TMEM63A: variants seen among roughly 807,000 people sequenced by gnomAD.
TMEM63A encodes mechanosensitive cation channel TMEM63A.
A neutral mutation model predicts 100.6 loss-of-function variants in TMEM63A; 76 were observed. The ratio of observed to expected loss-of-function variants is 0.76; its 90% CI spans 0.63 to 0.91. The LOEUF is 0.91. Among genes scored for constraint, TMEM63A ranks in the 40% least tolerant of loss-of-function variants. The probability of loss-of-function intolerance (pLI) is 0.00; values close to 1 mark genes in which losing one functional copy is unlikely to be tolerated. For missense variants in TMEM63A, 876 were observed against 1,008.8 expected, an observed-to-expected ratio of 0.87 and a Z score of 1.78; for synonymous variants, 401 against 401.1, an observed-to-expected ratio of 1.00 and a Z score of 0.00.
At position 225,856,641 on chromosome 1, in the gene TMEM63A, G is replaced by T; in HGVS notation, c.1571+11C>A. The T allele has an allele frequency of 1.2e-6, 2 of 1,613,048 alleles. No homozygotes were observed. Among genetic ancestry groups the T allele is most frequent in the Non-Finnish European group, 1.7e-6 (2 of 1,179,410 alleles). The stretch of plus-strand genomic sequence containing the variant: ...TATTCTGAATTTAGAGCAGAAGGTG[G>T]TGGCATATACCTGGTGAGACCCAGG... On this transcript the variant is annotated intron_variant, in intron 17 of 24. Coordinates refer to ENST00000366835, the MANE Select transcript of TMEM63A (RefSeq NM_014698.3).
At chr1:225,844,755 G>A, downstream of TMEM63A, 1 of 1,414,404 alleles carries the variant, frequency 7.1e-7, no homozygotes, top group Non-Finnish European at 9.6e-7. Flanking sequence ...AGGGGCCCTT[G>A]GATGGGAACA....
chr1:225,848,168 C>T (rs1308660179), intron 23 of TMEM63A: 1 of 346,346 alleles, frequency 2.9e-6, no homozygotes, highest in African/African-American at 2.1e-5. Context: ...TTGTCAAACC[C>T]TAGCGCCTTA....
downstream of TMEM63A, chr1:225,845,157 A>G (rs757896290): frequency 2.5e-6 from 4 of 1,613,876 alleles, no homozygotes; most frequent in East Asian, 2.2e-5. Context: ...ATGAAGGTCT[A>G]TGTGCCCACT....
intron 6 of TMEM63A, 110 bp from the exon 7 acceptor site, chr1:225,868,140 A>G (rs1002220694): frequency 5.8e-6 from 8 of 1,380,446 alleles, no homozygotes; most frequent in Admixed American, 2.3e-5. Flanking sequence ...TTCGATCGCT[A>G]TCCCCACATT....
Position 225,848,996 on chromosome 1 carries a change from G to A in TMEM63A, c.2088C>T (p.Ala696=), listed in dbSNP as rs1382999853. 2.5e-6 allele frequency: 4 copies of A among 1,589,202 alleles called. No individual in the cohort carries two copies. Among genetic ancestry groups the A allele is most frequent in the South Asian group, 2.3e-5 (2 of 86,898 alleles). Residue 696 remains alanine (A), a synonymous_variant, in exon 22 of 25, where the codon GCC becomes GCT. Coordinates refer to ENST00000366835, the MANE Select transcript of TMEM63A (RefSeq NM_014698.3). ...SFLRLGMKAP[A]TLFTFLVLLL... is the part of the protein sequence containing the mutation. ...GCAGCACCAGGAAGGTGAACAGAGT[G>A]GCGGGGGCCTTCATACCTGGTGATA...
In TMEM63A at chr1:225,862,284, C is replaced by G. The variant is rs1238341255; in HGVS notation, c.1019G>C (p.Arg340Pro). Residue 340 changes from arginine (R) to proline (P), a missense_variant, in exon 13 of 25, where the codon CGC becomes CCC. This residue lies in a region of TMEM63A where 487 missense variants were observed against 581.9 expected (regional missense o/e 0.84). Coordinates refer to ENST00000366835, the MANE Select transcript of TMEM63A (RefSeq NM_014698.3). This position sits in a 1 kb window ranked among gnomAD's most constrained non-coding sequence, Gnocchi z 5.1. ...TCCCAGGGGCTGGTCCTGGACGTGGCGTTCTTCCTCTGTGATCCTCTCCAG... is the reference window on the plus strand; with the variant it reads ...TCCCAGGGGCTGGTCCTGGACGTGGGGTTCTTCCTCTGTGATCCTCTCCAG... ...RLLERITEEE[R>P]HVQDQPLGMA... 1 of 1,614,026 alleles carries G rather than the reference C, an allele frequency of 6.2e-7. No individual in the cohort carries two copies. The highest frequency in any genetic ancestry group is 2.2e-5 in the East Asian group (1 of 44,892).
chr1:225,856,311 C>T (rs930384215), intron 17 of TMEM63A, among the ~76,000 whole-genome samples: 4 of 132,516 alleles, frequency 3.0e-5, no homozygotes, highest in African/African-American at 1.1e-4. Context: ...TGCCTGGCCA[C>T]AAAATTTTCA....
At chr1:225,841,603 T>C (rs1396472882), downstream of TMEM63A, among the ~76,000 whole-genome samples, 1 of 136,358 alleles carries the variant, frequency 7.3e-6, no homozygotes, top group African/African-American at 2.8e-5. Context: ...GTCCCAGCCT[T>C]TTTTTTTTTT....
At chr1:225,880,892 T>C (rs1671055995) in intron 1 of TMEM63A, among the ~76,000 whole-genome samples, 1 of 152,234 alleles carries the variant, frequency 6.6e-6, no homozygotes, top group Non-Finnish European at 1.5e-5. Flanking sequence ...AGCAGAATGT[T>C]GCAGGAAGTA....
rs145189128 is a variant in TMEM63A at position 225,861,136 on chromosome 1, G to A, written c.1086-139C>T. ...TTGTGATTAGTGTATTATGAGTAAC[G>A]CTATGTAAGAGGTGCCACGCTAGCA... On this transcript the variant is annotated intron_variant, in intron 13 of 24. Coordinates refer to ENST00000366835, the MANE Select transcript of TMEM63A (RefSeq NM_014698.3). 2.8e-3 allele frequency: 2,807 copies of A among 985,794 alleles called. 19 individuals are homozygous for A. The highest frequency in any genetic ancestry group is 0.027 in the Admixed American group (927 of 34,560). 61.1% of individuals were successfully genotyped at this position (985,794 alleles called of 1,614,324 possible).
At chr1:225,871,277 C>T (rs867588666) in intron 5 of TMEM63A, among the ~76,000 whole-genome samples, 164 bp from the exon 6 acceptor site, 40 of 152,236 alleles carry the variant, frequency 2.6e-4, no homozygotes, top group Middle Eastern at 3.2e-3. Context: ...TCACAATATA[C>T]ACCACATGCC....
chr1:225,874,168 G>C, intron 4 of TMEM63A, 120 bp downstream of exon 4: 2 of 951,466 alleles, frequency 2.1e-6, no homozygotes, highest in Non-Finnish European at 3.1e-6. Flanking sequence ...CCATTCCAGG[G>C]ACACACACAC....
chr1:225,857,379 C>CG (rs369068747), intron 15 of TMEM63A, among the ~76,000 whole-genome samples: 12 of 112,768 alleles, frequency 1.1e-4, no homozygotes, highest in African/African-American at 4.8e-4. Context: ...TCCTGGCCGG[C>CG]GGGGCGGGGG....
downstream of TMEM63A, chr1:225,844,589 C>T (rs748986877): frequency 3.1e-6 from 5 of 1,614,022 alleles, no homozygotes; most frequent in African/African-American, 5.3e-5. Context: ...CAAGGAGAAC[C>T]TGGGACAGGG....
intron 10 of TMEM63A, among the ~76,000 whole-genome samples, chr1:225,863,589 G>A (rs770218668): frequency 1.3e-5 from 2 of 151,546 alleles, no homozygotes; most frequent in Non-Finnish European, 2.9e-5. Flanking sequence ...GAAAGCAAAG[G>A]ACCCTCAGAC....
chr1:225,850,126 G>T, intron 20 of TMEM63A, 47 bp from the exon 21 acceptor site: 1 of 1,606,464 alleles, frequency 6.2e-7, no homozygotes, highest in Admixed American at 1.7e-5. Context: ...GGGCCACACA[G>T]ACACCTCTGT....
chr1:225,874,110 T>A (rs1670654862), intron 4 of TMEM63A, among the ~76,000 whole-genome samples, 178 bp downstream of exon 4: 1 of 152,178 alleles, frequency 6.6e-6, no homozygotes, highest in African/African-American at 2.4e-5. Context: ...CTCATAGCAG[T>A]GTCATGTGTG....
In TMEM63A at chr1:225,862,119, G is replaced by A; in HGVS notation, c.1085+99C>T. ...ACACCACAGATAAATCCCAGGGATG[G>A]TGGGTCAGCAGTACCATCTCCACTC... On this transcript the variant is annotated intron_variant, in intron 13 of 24. Transcript: ENST00000366835. The surrounding 1 kb of genome is among the most constrained non-coding windows in gnomAD (Gnocchi z 5.1). 1 of 1,518,068 alleles carries A rather than the reference G, an allele frequency of 6.6e-7. No individual in the cohort carries two copies. Among genetic ancestry groups the A allele is most frequent in the Non-Finnish European group, 8.9e-7 (1 of 1,120,382 alleles). The allele number at this position is 1,518,068 out of a possible 1,614,324, so 94.0% of individuals were successfully genotyped here. A position where few individuals can be genotyped will look rare whatever the true frequency, so the allele number is the denominator to read the frequency against.
At chr1:225,870,469 ACAC>A (rs1670456336) in intron 6 of TMEM63A, among the ~76,000 whole-genome samples, 2 of 150,498 alleles carry the variant, frequency 1.3e-5, no homozygotes. Flanking sequence ...CTGGCTCCCT[ACAC>A]CACATGAGAG....
Sources: gnomAD v4.1 joint callset for allele counts (sites outside exome capture counted in the v4.1 genomes callset) on GRCh38, gnomAD v4.1.1 for gene constraint, gnomAD v4.1.1 regional missense constraint, Gnocchi (gnomAD v3.1) non-coding constraint, MANE v1.5 for transcripts, NCBI Gene and HGNC (gene_info 2026-07-23, HGNC 2026-07-21) for gene names.